CNTNAP1: variants seen among roughly 807,000 people sequenced by gnomAD.
The protein encoded by CNTNAP1 is contactin associated protein 1.
CNTNAP1 carries 80 observed loss-of-function variants against 161.5 expected under a neutral mutation model. The ratio of observed to expected loss-of-function variants is 0.50; its 90% CI spans 0.41 to 0.60. The LOEUF (loss-of-function observed/expected upper bound fraction) is 0.60, where lower values mean the gene tolerates loss of function less well. Among genes scored for constraint, CNTNAP1 ranks in the 20% least tolerant of loss-of-function variants. The pLI, the probability that CNTNAP1 is intolerant of heterozygous loss-of-function variation, is 0.00. For missense variants in CNTNAP1, 1,464 were observed against 1,854.8 expected, an observed-to-expected ratio of 0.79 and a Z score of 3.87; for synonymous variants, 695 against 733.1, an observed-to-expected ratio of 0.95 and a Z score of 0.84.
chr17:42,683,425 G>T, intron 1 of CNTNAP1: 1 of 1,096,004 alleles, frequency 9.1e-7, no homozygotes, highest in Non-Finnish European at 1.1e-6. Context: ...TGTATTTGGG[G>T]ATGGTGCAGG....
Position 42,685,504 on chromosome 17 carries a change from C to T in CNTNAP1, c.715+84C>T, listed in dbSNP as rs1341133176. 7.7e-7 allele frequency: 1 copy of T among 1,304,788 alleles called. No homozygotes were observed. The highest frequency in any genetic ancestry group is 1.1e-6 in the Non-Finnish European group (1 of 946,738). 80.8% of individuals were successfully genotyped at this position (1,304,788 alleles called of 1,614,324 possible). A position where few individuals can be genotyped will look rare whatever the true frequency, so the allele number is the denominator to read the frequency against. On this transcript the variant is annotated intron_variant, in intron 5 of 23. Transcript: ENST00000264638. This position sits in a 1 kb window ranked among gnomAD's most constrained non-coding sequence, Gnocchi z 5.0. The stretch of plus-strand genomic sequence containing the variant: ...CCTCGTGGCACCTCCTCCGCGCATC[C>T]GCGCTCAGCCTGGTCTTCCACTTCT...
Position 42,698,534 on chromosome 17 carries a change from CGTGT to C in CNTNAP1, c.3863-53_3863-50del, listed in dbSNP as rs112344327. The C allele has an allele frequency of 0.024, 20,735 of 847,778 alleles. 278 individuals are homozygous for C. The highest frequency in any genetic ancestry group is 0.11 in the African/African-American group (5,739 of 52,166). 52.5% of individuals were successfully genotyped at this position (847,778 alleles called of 1,614,324 possible). Reference sequence around the variant, plus strand: ...TATACAGGTGAAATCTCAAAGAGTGCGTGTGTGTGTGTGTGTGTGTGTGTGTGTG... The same window carrying C: ...TATACAGGTGAAATCTCAAAGAGTGCGTGTGTGTGTGTGTGTGTGTGTGTG... On this transcript the variant is annotated intron_variant, in intron 23 of 23. Coordinates refer to ENST00000264638, the MANE Select transcript of CNTNAP1 (RefSeq NM_003632.3).
At chr17:42,694,896 C>T (rs9897724) in intron 18 of CNTNAP1, among the ~76,000 whole-genome samples, 72,277 of 151,704 alleles carry the variant, frequency 0.48, 17,399 homozygotes, top group Non-Finnish European at 0.53. Context: ...TAGGGAGATA[C>T]AAGACTTAGG....
rs761271132 is a variant in CNTNAP1, at chr17:42,688,540, A to T, written c.1385A>T (p.Asp462Val). Residue 462 changes from aspartate (D) to valine (V), a missense_variant, in exon 9 of 24, where the codon GAT (aspartate) becomes GTT (valine). Physicochemically the swap from Asp to Val is radical, Grantham distance 152. This residue lies in a region of CNTNAP1 where 1,383 missense variants were observed against 1,765.0 expected (regional missense o/e 0.78). Transcript: ENST00000264638. Reference sequence around the variant, plus strand: ...AACCATGCAGTTATCAGCATTGATGATGTGGAAGGGGCAGAGGTCAGGGTC... The same window carrying T: ...AACCATGCAGTTATCAGCATTGATGTTGTGGAAGGGGCAGAGGTCAGGGTC... Reference protein sequence around the residue: ...QENHAVISIDDVEGAEVRVSY... With the variant: ...QENHAVISIDVVEGAEVRVSY... 23 of 1,614,044 alleles carry T rather than the reference A, an allele frequency of 1.4e-5. No individual in the cohort carries two copies. In the Admixed American group the frequency reaches 3.0e-4, roughly 21 times the overall value.
Position 42,688,454 on chromosome 17 carries a change from T to G in CNTNAP1, c.1307-8T>G. On this transcript the variant is annotated splice_region_variant and splice_polypyrimidine_tract_variant and intron_variant, in intron 8 of 23. Transcript: ENST00000264638. Reference sequence around the variant, plus strand: ...CCTCCACCCACACCATCATCCATTCTTGTCCAGGGTACCGACTGAATGACG... The same window carrying G: ...CCTCCACCCACACCATCATCCATTCGTGTCCAGGGTACCGACTGAATGACG... 1 of 1,614,236 alleles carries G rather than the reference T, an allele frequency of 6.2e-7. No individual in the cohort carries two copies.
Position 42,685,758 on chromosome 17 carries a change from T to C in CNTNAP1, c.716-199T>C, listed in dbSNP as rs187264795. Reference sequence around the variant, plus strand: ...CACCCGCACATGAAATAGAAGCAGCTCATGTGTTCCCAGTTTTACAGACAG... The same window carrying C: ...CACCCGCACATGAAATAGAAGCAGCCCATGTGTTCCCAGTTTTACAGACAG... On this transcript the variant is annotated intron_variant, in intron 5 of 23. Coordinates refer to ENST00000264638, the MANE Select transcript of CNTNAP1 (RefSeq NM_003632.3). This position sits in a 1 kb window ranked among gnomAD's most constrained non-coding sequence, Gnocchi z 5.0. Among the ~76,000 whole-genome samples the C allele has an allele frequency of 5.9e-5, 9 of 152,284 alleles. No individual in the cohort carries two copies. In the East Asian group the frequency reaches 1.5e-3, roughly 26 times the overall value.
At chr17:42,698,538 T>A (rs963056445) in intron 23 of CNTNAP1, 80 bp from the exon 24 acceptor site, 4 of 764,000 alleles carry the variant, frequency 5.2e-6, no homozygotes, top group Non-Finnish European at 7.3e-6. Flanking sequence ...AGAGTGCGTG[T>A]GTGTGTGTGT....
At position 42,682,840 on chromosome 17, in the gene CNTNAP1, T is replaced by G; in HGVS notation, c.11T>G (p.Leu4Arg). 2 of 1,585,308 alleles carry G rather than the reference T, an allele frequency of 1.3e-6. No individual in the cohort carries two copies. Among genetic ancestry groups the G allele is most frequent in the Middle Eastern group, 1.7e-4 (1 of 5,954 alleles). MMH[L>R]RLFCILLAAV... ...GACCGTCAGCCCTGCATGATGCATCTCCGGCTCTTCTGCATCCTGCTCGCC... is the reference window on the plus strand; with the variant it reads ...GACCGTCAGCCCTGCATGATGCATCGCCGGCTCTTCTGCATCCTGCTCGCC... The change falls in exon 1 of 24, where the codon CTC (leucine) becomes CGC (arginine). Residue 4 changes from leucine (L) to arginine (R), a missense_variant. This residue lies in a region of CNTNAP1 where 77 missense variants were observed against 73.6 expected (regional missense o/e 1.05). Transcript: ENST00000264638.
chr17:42,689,199 C>T (rs2053055174), intron 10 of CNTNAP1, 152 bp downstream of exon 10: 1 of 779,840 alleles, frequency 1.3e-6, no homozygotes, highest in African/African-American at 1.8e-5. Flanking sequence ...CTCTTACCTC[C>T]TATTTCTTCC....
At chr17:42,696,793 T>G (rs1202164565) in intron 20 of CNTNAP1, among the ~76,000 whole-genome samples, 1 of 151,710 alleles carries the variant, frequency 6.6e-6, no homozygotes, top group African/African-American at 2.4e-5. Flanking sequence ...GGCGACAGAG[T>G]GAGACTCCAT....
Position 42,685,476 on chromosome 17 carries a change from C to T in CNTNAP1, c.715+56C>T. 1.3e-6 allele frequency: 2 copies of T among 1,516,730 alleles called. No individual in the cohort carries two copies. The highest frequency in any genetic ancestry group is 1.8e-6 in the Non-Finnish European group (2 of 1,121,510). The allele number at this position is 1,516,730 out of a possible 1,614,324, so 94.0% of individuals were successfully genotyped here. ...CCAACCCCTGAAGCTCTCTCACCGC[C>T]CTCCTCGTGGCACCTCCTCCGCGCA... On this transcript the variant is annotated intron_variant, in intron 5 of 23. Coordinates refer to ENST00000264638, the MANE Select transcript of CNTNAP1 (RefSeq NM_003632.3). The surrounding 1 kb of genome is among the most constrained non-coding windows in gnomAD (Gnocchi z 5.0).
chr17:42,697,388 C>T (rs370128474), intron 21 of CNTNAP1, 21 bp downstream of exon 21: 18 of 1,612,360 alleles, frequency 1.1e-5, no homozygotes, highest in East Asian at 2.2e-5. Context: ...GGTGCGGACG[C>T]GTTTTAGGCA....
At position 42,691,074 on chromosome 17, in the gene CNTNAP1, C is replaced by G; in HGVS notation, c.2060-63C>G. 2 of 1,599,016 alleles carry G rather than the reference C, an allele frequency of 1.3e-6. No individual in the cohort carries two copies. The highest frequency in any genetic ancestry group is 4.5e-5 in the East Asian group (2 of 44,762). ...GAGGGGTCTGAACTCGCTGGAAGGG[C>G]GAGAGGAGCCCAGAGGCTAATGGAG... On this transcript the variant is annotated intron_variant, in intron 13 of 23. Coordinates refer to ENST00000264638, the MANE Select transcript of CNTNAP1 (RefSeq NM_003632.3). The surrounding 1 kb of genome is among the most constrained non-coding windows in gnomAD (Gnocchi z 4.3).
chr17:42,682,874 A>T lies in CNTNAP1; in HGVS notation c.45A>T (p.Ser15=), dbSNP rs749738378. ...RLFCILLAAV[S]GAEGWGYYGC... ...TCTGCATCCTGCTCGCCGCGGTCTC[A>T]GGAGCCGAGGGCTGGGGCTACTGTG... The change falls in exon 1 of 24, where the codon TCA becomes TCT. Residue 15 remains serine (S), a synonymous_variant. Transcript: ENST00000264638. 6.2e-7 allele frequency: 1 copy of T among 1,601,064 alleles called. No homozygotes were observed.
At chr17:42,684,308 A>G in intron 3 of CNTNAP1, 79 bp downstream of exon 3, 1 of 1,395,018 alleles carries the variant, frequency 7.2e-7, no homozygotes, top group Non-Finnish European at 9.8e-7. Context: ...GCCTCTGGGA[A>G]AATGGAGGGG....
chr17:42,698,484 G>A, intron 23 of CNTNAP1, 134 bp from the exon 24 acceptor site: 1 of 616,172 alleles, frequency 1.6e-6, no homozygotes, highest in Non-Finnish European at 2.7e-6. Flanking sequence ...TGTGTGTGCA[G>A]GTGAAATCCC....
intron 11 of CNTNAP1, 167 bp from the exon 12 acceptor site, chr17:42,689,921 A>G: frequency 1.4e-6 from 1 of 699,246 alleles, no homozygotes; most frequent in South Asian, 1.7e-5. Flanking sequence ...TTATATTTTT[A>G]TTAGAGATGG....
In CNTNAP1 at chr17:42,684,043, C is replaced by T. The variant is rs2052973842; in HGVS notation, c.177C>T (p.Ser59=). 6.2e-7 allele frequency: 1 copy of T among 1,614,068 alleles called. No individual in the cohort carries two copies. The highest frequency in any genetic ancestry group is 8.5e-7 in the Non-Finnish European group (1 of 1,179,966). Residue 59 remains serine, a synonymous_variant, in exon 3 of 24, where the codon AGC becomes AGT. Transcript: ENST00000264638. ...CTCCTGTCCTTTCTATAGGCATAAG[C>T]GGGTGGTCACCACGGATTGGGGATC... ...APRFARLHGI[S]GWSPRIGDPN...
At position 42,698,718 on chromosome 17, in the gene CNTNAP1, G is replaced by A. The variant is rs1198272468; in HGVS notation, c.3963G>A (p.Lys1321=). The A allele has an allele frequency of 3.7e-6, 6 of 1,613,464 alleles. No individual in the cohort carries two copies. In the East Asian group the frequency reaches 1.1e-4, roughly 30 times the overall value. Reference sequence around the variant, plus strand: ...GCTCCTACCATACCAATGAGCCCAAGGCTGCCCACGAGTACCATCCTGGCA... The same window carrying A: ...GCTCCTACCATACCAATGAGCCCAAAGCTGCCCACGAGTACCATCCTGGCA... ...YKGSYHTNEP[K]AAHEYHPGSK... is the part of the protein sequence containing the mutation. Residue 1321 remains lysine (K), a synonymous_variant, in exon 24 of 24, where the codon AAG becomes AAA. Transcript: ENST00000264638.
Sources: allele counts gnomAD v4.1 joint callset (sites outside exome capture counted in the v4.1 genomes callset), GRCh38; gene constraint gnomAD v4.1.1; regional missense constraint gnomAD v4.1.1; non-coding constraint Gnocchi (gnomAD v3.1); transcripts MANE v1.5; gene names NCBI Gene and HGNC (gene_info 2026-07-23, HGNC 2026-07-21).